The following EML6 variants were observed in gnomAD, a reference collection of about 807,000 sequenced individuals.
EML6 encodes EMAP like 6.
Under a neutral mutation model 240.1 loss-of-function variants are expected in EML6, and 154 were observed. That is an observed-to-expected ratio of 0.64 (90% CI 0.56 to 0.73). The LOEUF (loss-of-function observed/expected upper bound fraction) is 0.73, where lower values mean the gene tolerates loss of function less well. EML6 is among the 30% of genes least tolerant of loss of function. The pLI is 0.00. For synonymous variants in EML6, 1,148 were observed against 899.0 expected, an observed-to-expected ratio of 1.28 and a Z score of -4.95; for missense variants, 2,964 against 2,474.6, an observed-to-expected ratio of 1.20 and a Z score of -4.20.
intron 28 of EML6, among the ~76,000 whole-genome samples, chr2:54,930,647 T>G (rs1674805921): frequency 6.6e-6 from 1 of 152,128 alleles, no homozygotes; most frequent in Non-Finnish European, 1.5e-5. Context: ...AAGATAAGTA[T>G]AGGGTCTGGA....
intron 1 of EML6, among the ~76,000 whole-genome samples, 180 bp downstream of exon 1, chr2:54,723,957 G>C (rs565289327): frequency 3.3e-4 from 51 of 152,300 alleles, no homozygotes; most frequent in Admixed American, 1.6e-3. Flanking sequence ...TGTCCCCCGG[G>C]TCCCTCGGGC....
intron 26 of EML6, among the ~76,000 whole-genome samples, chr2:54,925,459 C>T (rs574895566): frequency 2.0e-5 from 3 of 152,180 alleles, no homozygotes; most frequent in Non-Finnish European, 4.4e-5. Context: ...GATCTTATTA[C>T]CACCACAGAG....
chr2:54,913,475 A>C (rs1210351015), intron 25 of EML6, among the ~76,000 whole-genome samples: 1 of 150,428 alleles, frequency 6.6e-6, no homozygotes, highest in East Asian at 1.9e-4. Flanking sequence ...CTGGTCTCCA[A>C]CTCCTGTTGC....
chr2:54,891,606 A>T (rs1217522254), intron 18 of EML6, among the ~76,000 whole-genome samples: 3 of 152,224 alleles, frequency 2.0e-5, no homozygotes, highest in Admixed American at 6.5e-5. Context: ...TGTTGATAAT[A>T]ATGATGAGTA....
At chr2:54,895,162 A>C in intron 20 of EML6, 111 bp from the exon 21 acceptor site, 1 of 1,342,308 alleles carries the variant, frequency 7.4e-7, no homozygotes, top group Non-Finnish European at 1.0e-6. Flanking sequence ...TCTGGTAGAA[A>C]TGTCAAGGCT....
chr2:54,965,807 C>G (rs1676723995), intron 38 of EML6, among the ~76,000 whole-genome samples: 1 of 152,198 alleles, frequency 6.6e-6, no homozygotes, highest in Non-Finnish European at 1.5e-5. Context: ...ATCTTGTAGC[C>G]TCCAGCTACA....
At chr2:54,883,497 G>C (rs1012769822) in intron 17 of EML6, among the ~76,000 whole-genome samples, 1 of 152,322 alleles carries the variant, frequency 6.6e-6, no homozygotes, top group African/African-American at 2.4e-5. Flanking sequence ...TGAATGGACA[G>C]TATGGAAACC....
chr2:54,781,741 C>T (rs1445312007), intron 2 of EML6, among the ~76,000 whole-genome samples: 1 of 152,158 alleles, frequency 6.6e-6, no homozygotes, highest in African/African-American at 2.4e-5. Flanking sequence ...GCGATCACAC[C>T]TCATGCAGGC....
chr2:54,820,784 A>C (rs1668297240), intron 5 of EML6, among the ~76,000 whole-genome samples: 1 of 152,182 alleles, frequency 6.6e-6, no homozygotes, highest in East Asian at 1.9e-4. Flanking sequence ...TAATGTTGTG[A>C]AGTAAGTTTT....
intron 7 of EML6, among the ~76,000 whole-genome samples, chr2:54,832,508 G>A (rs1261481478): frequency 6.6e-6 from 1 of 152,178 alleles, no homozygotes; most frequent in Non-Finnish European, 1.5e-5. Context: ...CCAAAGTGAG[G>A]TAGAAGACCC....
chr2:54,891,283 T>C (rs1672455170), intron 18 of EML6, 129 bp downstream of exon 18: 3 of 514,298 alleles, frequency 5.8e-6, no homozygotes, highest in Admixed American at 6.2e-5. Context: ...CCTAAAAAAA[T>C]TATCTCCCAA....
intron 7 of EML6, among the ~76,000 whole-genome samples, chr2:54,830,874 G>C (rs951749800): frequency 6.6e-6 from 1 of 152,184 alleles, no homozygotes; most frequent in African/African-American, 2.4e-5. Flanking sequence ...GGAGGCTCAG[G>C]ATGCTGGTGT....
chr2:54,866,730 A>C, intron 13 of EML6, 36 bp from the exon 14 acceptor site: 1 of 1,250,046 alleles, frequency 8.0e-7, no homozygotes, highest in South Asian at 1.4e-5. Flanking sequence ...ACCTGATGAA[A>C]GGCATCTCAC....
At chr2:54,735,468 C>A (rs1477703391) in intron 2 of EML6, among the ~76,000 whole-genome samples, 1 of 152,178 alleles carries the variant, frequency 6.6e-6, no homozygotes, top group Non-Finnish European at 1.5e-5. Flanking sequence ...TCTCAGCTGG[C>A]ATTGAGAGGC....
chr2:54,852,518 T>C (rs990117582), intron 10 of EML6, among the ~76,000 whole-genome samples: 1 of 152,226 alleles, frequency 6.6e-6, no homozygotes, highest in East Asian at 1.9e-4. Flanking sequence ...ATTTCTAGTA[T>C]CTTTGTTGGT....
intron 4 of EML6, among the ~76,000 whole-genome samples, chr2:54,820,089 C>G (rs1269254340): frequency 6.6e-6 from 1 of 152,060 alleles, no homozygotes; most frequent in Non-Finnish European, 1.5e-5. Flanking sequence ...AAAATTTGAT[C>G]AAAAATTTAT....
At position 54,816,891 on chromosome 2, in the gene EML6, A is replaced by G. The variant is rs1382398399; in HGVS notation, c.456+6A>G. On this transcript the variant is annotated splice_donor_region_variant and intron_variant, in intron 4 of 41. Coordinates refer to ENST00000356458, the MANE Select transcript of EML6 (RefSeq NM_001039753.4). ...CCACCGGCCATTCTGACAGGGTAAG[A>G]ACTTGTTGGATCAAGCTATGCAGAT... 3 of 1,541,240 alleles carry G rather than the reference A, an allele frequency of 1.9e-6. No individual in the cohort carries two copies. In the African/African-American group the frequency reaches 4.1e-5, roughly 21 times the overall value.
intron 2 of EML6, among the ~76,000 whole-genome samples, chr2:54,805,131 C>A (rs963174052): frequency 2.6e-5 from 4 of 152,176 alleles, no homozygotes; most frequent in Non-Finnish European, 4.4e-5. Flanking sequence ...TTCATCCATG[C>A]TGTGGATGTC....
chr2:54,882,863 A>AAAAAAAAAAAAAAAAAAAAAAAG (rs1671901426), intron 17 of EML6: 1 of 135,340 alleles, frequency 7.4e-6, no homozygotes, highest in African/African-American at 2.6e-5. Flanking sequence ...GTCTCAAAAA[A>AAAAAAAAAAAAAAAAAAAAAAAG]AAAAAAAAAA....
Sources: gnomAD v4.1 joint callset for allele counts (sites outside exome capture counted in the v4.1 genomes callset) on GRCh38, gnomAD v4.1.1 for gene constraint, MANE v1.5 for transcripts, NCBI Gene and HGNC (gene_info 2026-07-23, HGNC 2026-07-21) for gene names.